Variants in TENM2 observed in about 807,000 individuals in gnomAD.
TENM2 encodes the protein teneurin transmembrane protein 2.
In TENM2, 52 loss-of-function variants were observed where a neutral mutation model predicts 245.2. The observed-to-expected ratio is 0.21, with a 90% CI of 0.17 to 0.27. TENM2 has a LOEUF of 0.27. Ranked by LOEUF, TENM2 falls within the 10% of genes least tolerant of loss-of-function variation. The pLI, the probability that TENM2 is intolerant of heterozygous loss-of-function variation, is 1.00. For synonymous variants in TENM2, 1,363 were observed against 1,438.9 expected, an observed-to-expected ratio of 0.95 and a Z score of 1.19; for missense variants, 3,046 against 3,666.8, an observed-to-expected ratio of 0.83 and a Z score of 4.37.
At chr5:167,910,798 A>G (rs1249379830) in intron 3 of TENM2, among the ~76,000 whole-genome samples, 5 of 152,224 alleles carry the variant, frequency 3.3e-5, no homozygotes, top group Admixed American at 6.5e-5. Context: ...TGAAGGAGTT[A>G]TATTTATAGA....
chr5:167,966,688 G>A (rs1284357820), intron 4 of TENM2, among the ~76,000 whole-genome samples: 1 of 152,132 alleles, frequency 6.6e-6, no homozygotes, highest in Non-Finnish European at 1.5e-5. Context: ...TTCTCAGATT[G>A]ATTTTTCTAC....
At chr5:167,608,550 CG>C (rs1368133789) in intron 2 of TENM2, among the ~76,000 whole-genome samples, 1 of 152,192 alleles carries the variant, frequency 6.6e-6, no homozygotes, top group Non-Finnish European at 1.5e-5. Flanking sequence ...CACATTAAAT[CG>C]GGGGGCACTT....
At chr5:167,660,046 C>A (rs10434680) in intron 2 of TENM2, 3 of 152,130 alleles carry the variant, frequency 2.0e-5, no homozygotes, top group Admixed American at 6.5e-5. Flanking sequence ...GCAAAAATTT[C>A]TCTGACTTTA....
At chr5:167,520,839 A>C (rs2127581485) in intron 2 of TENM2, among the ~76,000 whole-genome samples, 1 of 151,144 alleles carries the variant, frequency 6.6e-6, no homozygotes, top group African/African-American at 2.4e-5. Context: ...TTTCACTTTC[A>C]GCTCCAATTT....
chr5:168,188,785 C>T (rs1292065660), intron 13 of TENM2, among the ~76,000 whole-genome samples: 1 of 152,122 alleles, frequency 6.6e-6, no homozygotes, highest in African/African-American at 2.4e-5. Context: ...CTCCTGGAGG[C>T]TCTCCCTGGG....
chr5:167,333,090 A>C (rs1279810605), intron 1 of TENM2, among the ~76,000 whole-genome samples: 1 of 152,258 alleles, frequency 6.6e-6, no homozygotes, highest in Non-Finnish European at 1.5e-5. Flanking sequence ...ATAAGCCATC[A>C]ACAAAGATTA....
chr5:167,961,666 G>A (rs543984725), intron 4 of TENM2, among the ~76,000 whole-genome samples: 1 of 152,298 alleles, frequency 6.6e-6, no homozygotes, highest in Non-Finnish European at 1.5e-5. Context: ...ACTCAAGCCT[G>A]AAAACAATCC....
At chr5:167,196,753 A>G in the TENM2 span, among the ~76,000 whole-genome samples, 1 of 152,020 alleles carries the variant, frequency 6.6e-6, no homozygotes, top group African/African-American at 2.4e-5. Flanking sequence ...AACACTTTAC[A>G]TAGTATATAC....
intron 2 of TENM2, among the ~76,000 whole-genome samples, chr5:167,872,521 AAAG>A (rs1773017272): frequency 2.0e-5 from 1 of 50,032 alleles, no homozygotes; most frequent in Non-Finnish European, 5.6e-5. Context: ...AGAAAGAAAG[AAAG>A]AAAGAAAGAA....
chr5:167,913,552 G>A (rs996784841), intron 3 of TENM2, among the ~76,000 whole-genome samples: 1 of 152,126 alleles, frequency 6.6e-6, no homozygotes, highest in African/African-American at 2.4e-5. Flanking sequence ...TCAAGATTTT[G>A]AATATCTTCA....
At chr5:167,326,939 A>G (rs1757124432) in intron 1 of TENM2, among the ~76,000 whole-genome samples, 1 of 152,072 alleles carries the variant, frequency 6.6e-6, no homozygotes, top group South Asian at 2.1e-4. Flanking sequence ...CCTATGATAT[A>G]CAATTTTAAT....
At chr5:168,073,958 G>T (rs1791243686) in intron 7 of TENM2, among the ~76,000 whole-genome samples, 1 of 152,190 alleles carries the variant, frequency 6.6e-6, no homozygotes, top group African/African-American at 2.4e-5. Context: ...CCCTCATGTG[G>T]CTAGTGGACA....
At chr5:167,183,590 G>A in the TENM2 span, among the ~76,000 whole-genome samples, 8 of 152,170 alleles carry the variant, frequency 5.3e-5, no homozygotes, top group Non-Finnish European at 7.3e-5. Flanking sequence ...TACCAACCCA[G>A]CTGTTTGAGT....
intron 5 of TENM2, among the ~76,000 whole-genome samples, chr5:168,025,420 C>CT (rs1172218176): frequency 4.6e-5 from 7 of 151,722 alleles, no homozygotes; most frequent in Non-Finnish European, 5.9e-5. Context: ...AAAGTAGAAT[C>CT]TTTTTTTTTC....
chr5:167,243,538 G>A, the TENM2 span, among the ~76,000 whole-genome samples: 65 of 152,142 alleles, frequency 4.3e-4, no homozygotes, highest in African/African-American at 1.4e-3. Flanking sequence ...GGTGGGCTGC[G>A]TGGTTGTATT....
At chr5:167,830,583 G>A (rs530096475) in intron 2 of TENM2, among the ~76,000 whole-genome samples, 18 of 152,304 alleles carry the variant, frequency 1.2e-4, no homozygotes, top group Middle Eastern at 3.4e-3. Flanking sequence ...AGAGCAGGAC[G>A]TGGAAACAAA....
intron 2 of TENM2, among the ~76,000 whole-genome samples, chr5:167,840,556 C>T (rs996878018): frequency 6.6e-6 from 1 of 152,074 alleles, no homozygotes; most frequent in Non-Finnish European, 1.5e-5. Flanking sequence ...CCCAGCCCCC[C>T]ACAATGTTAA....
At chr5:167,023,981 A>G in the TENM2 span, among the ~76,000 whole-genome samples, 4,588 of 152,308 alleles carry the variant, frequency 0.03, 240 homozygotes, top group African/African-American at 0.1. Flanking sequence ...TCATATATAT[A>G]TAGGAATATA....
intron 2 of TENM2, among the ~76,000 whole-genome samples, chr5:167,838,963 G>T (rs1769244629): frequency 6.6e-6 from 1 of 152,184 alleles, no homozygotes; most frequent in Admixed American, 6.5e-5. Flanking sequence ...TTCTGGGCTT[G>T]CTGCTTTCTA....
Sources: allele counts gnomAD v4.1 joint callset (sites outside exome capture counted in the v4.1 genomes callset), GRCh38; gene constraint gnomAD v4.1.1; transcripts MANE v1.5; gene names NCBI Gene and HGNC (gene_info 2026-07-23, HGNC 2026-07-21).